CLCN5: variants seen among roughly 807,000 people sequenced by gnomAD.
CLCN5 encodes H(+)/Cl(-) exchange transporter 5.
Under a neutral mutation model 54.0 loss-of-function variants are expected in CLCN5, and 17 were observed. That is an observed-to-expected ratio of 0.31 (90% confidence interval 0.22 to 0.47). CLCN5 has a LOEUF of 0.47. Among genes scored for constraint, CLCN5 ranks in the 20% least tolerant of loss-of-function variants. CLCN5 has a pLI of 1.00. For synonymous variants in CLCN5, 222 were observed against 233.0 expected (o/e 0.95, Z 0.43); for missense variants, 448 against 646.7 (o/e 0.69, Z 3.33).
At chrX:50,066,659 G>A (rs1557190930) in intron 4 of CLCN5, among the ~76,000 whole-genome samples, 1 of 111,662 alleles carries the variant, frequency 9.0e-6, no homozygotes, top group African/African-American at 3.3e-5. Flanking sequence ...CTTTAAAATA[G>A]CCTTCACAAC....
intron 3 of CLCN5, among the ~76,000 whole-genome samples, chrX:50,040,787 G>A (rs782032575): frequency 2.7e-5 from 3 of 111,738 alleles, no homozygotes; most frequent in African/African-American, 9.8e-5. Context: ...CATCATTTTT[G>A]TATCTGGCCC....
At chrX:50,062,238 T>C (rs1932866789) in intron 4 of CLCN5, among the ~76,000 whole-genome samples, 1 of 67,723 alleles carries the variant, frequency 1.5e-5, no homozygotes, top group African/African-American at 6.9e-5. Flanking sequence ...TCAAGACCCA[T>C]CAGTGTGCTG....
At chrX:50,026,281 G>T (rs1557184997) in intron 3 of CLCN5, among the ~76,000 whole-genome samples, 4 of 111,716 alleles carry the variant, frequency 3.6e-5, no homozygotes, top group African/African-American at 1.3e-4. Context: ...TATGTTTTAT[G>T]GCTCAAATGT....
At chrX:50,002,411 G>T (rs1246521647) in intron 3 of CLCN5, among the ~76,000 whole-genome samples, 4 of 111,899 alleles carry the variant, frequency 3.6e-5, no homozygotes, top group Non-Finnish European at 5.6e-5. Flanking sequence ...AGGATATGGA[G>T]AATTTTAATA....
At chrX:49,977,940 A>G (rs1356230533) in intron 3 of CLCN5, among the ~76,000 whole-genome samples, 1 of 111,862 alleles carries the variant, frequency 8.9e-6, no homozygotes, top group Non-Finnish European at 1.9e-5. Context: ...ACAGGGCGCA[A>G]AAGGGTCTTT....
rs782413509 is a variant in CLCN5 at position 50,004,202 on chromosome X, A to G, written c.17-38114A>G. On this transcript the variant is annotated intron_variant, in intron 3 of 14. Coordinates refer to ENST00000376091, the MANE Select transcript of CLCN5 (RefSeq NM_001127898.4). ...CCACTCATTCATTCAGCAAATATTT[A>G]TCGAGCAGCTACTGTGTGTTGGGTA... 2.2e-4 allele frequency among the ~76,000 whole-genome samples: 25 copies of G among 112,183 alleles called. No individual in the cohort carries two copies. In the South Asian group the frequency reaches 8.9e-3, roughly 40 times the overall value.
At chrX:50,048,426 G>A (rs1324086712) in intron 4 of CLCN5, among the ~76,000 whole-genome samples, 1 of 112,898 alleles carries the variant, frequency 8.9e-6, no homozygotes, top group African/African-American at 3.2e-5. Context: ...CTCCATGAGG[G>A]TGAAATATCT....
At chrX:49,969,188 G>A (rs1047487212) in intron 3 of CLCN5, among the ~76,000 whole-genome samples, 2 of 109,909 alleles carry the variant, frequency 1.8e-5, no homozygotes, top group Non-Finnish European at 3.8e-5. Flanking sequence ...AGCAATTCTC[G>A]TGCTTCAGCC....
intron 7 of CLCN5, among the ~76,000 whole-genome samples, chrX:50,079,821 A>G (rs1262514148): frequency 2.7e-5 from 3 of 110,826 alleles, no homozygotes; most frequent in Non-Finnish European, 3.8e-5. Context: ...AGTGGACCAA[A>G]GGGTACAAAT....
intron 3 of CLCN5, among the ~76,000 whole-genome samples, chrX:49,931,683 A>T (rs1212982444): frequency 1.8e-5 from 2 of 110,451 alleles, no homozygotes; most frequent in Non-Finnish European, 3.8e-5. Context: ...TGAGTTCAGG[A>T]GTTCAAGACT....
intron 3 of CLCN5, among the ~76,000 whole-genome samples, chrX:49,964,785 T>TA (rs1186984181): frequency 9.0e-6 from 1 of 111,092 alleles, no homozygotes; most frequent in Non-Finnish European, 1.9e-5. Context: ...TTAGAGCACT[T>TA]ACTATGTACC....
intron 3 of CLCN5, among the ~76,000 whole-genome samples, chrX:49,993,456 C>T (rs184518524): frequency 1.8e-5 from 2 of 111,771 alleles, no homozygotes; most frequent in East Asian, 2.8e-4. Context: ...AGTGTCCTTT[C>T]GTTGGCTCTT....
intron 3 of CLCN5, among the ~76,000 whole-genome samples, chrX:49,993,816 G>A (rs1479138767): frequency 9.0e-6 from 1 of 111,652 alleles, no homozygotes; most frequent in Non-Finnish European, 1.9e-5. Flanking sequence ...TGTGGGGGCT[G>A]ACCATGAGGA....
intron 3 of CLCN5, among the ~76,000 whole-genome samples, chrX:49,938,687 C>G (rs1352495428): frequency 8.1e-5 from 9 of 111,639 alleles, no homozygotes; most frequent in African/African-American, 2.9e-4. Flanking sequence ...CATAAAAACC[C>G]TAGAAGAAAA....
intron 4 of CLCN5, among the ~76,000 whole-genome samples, chrX:50,061,979 G>T (rs1302645094): frequency 3.5e-5 from 3 of 86,037 alleles, no homozygotes; most frequent in African/African-American, 1.5e-4. Context: ...TCACCACCAG[G>T]CCTGCCCTAA....
At chrX:50,028,606 C>T (rs1242986039) in intron 3 of CLCN5, among the ~76,000 whole-genome samples, 1 of 111,769 alleles carries the variant, frequency 8.9e-6, no homozygotes, top group Non-Finnish European at 1.9e-5. Context: ...TTGGGGGAAG[C>T]AGTTTGCCCT....
chrX:50,066,490 T>C (rs948857440), intron 4 of CLCN5, among the ~76,000 whole-genome samples: 4 of 112,154 alleles, frequency 3.6e-5, no homozygotes, highest in Admixed American at 9.5e-5. Flanking sequence ...GCTCTACACA[T>C]AGGGTCCAGT....
chrX:50,085,871 G>A, intron 9 of CLCN5, 109 bp from the exon 10 acceptor site: 1 of 659,340 alleles, frequency 1.5e-6, no homozygotes. Context: ...GGAACATCTA[G>A]AGGTATTTTT....
At chrX:50,033,368 C>T (rs1254395175) in intron 3 of CLCN5, among the ~76,000 whole-genome samples, 2 of 111,018 alleles carry the variant, frequency 1.8e-5, no homozygotes, top group African/African-American at 6.6e-5. Context: ...TTCTTATACA[C>T]CAATAACAGA....
Sources: allele counts gnomAD v4.1 joint callset (sites outside exome capture counted in the v4.1 genomes callset), GRCh38; gene constraint gnomAD v4.1.1; transcripts MANE v1.5; gene names NCBI Gene and HGNC (gene_info 2026-07-23, HGNC 2026-07-21).